The following MADD variants were observed in gnomAD, a reference collection of about 807,000 sequenced individuals.
The protein encoded by MADD is MAP kinase-activating death domain protein.
MADD carries 109 observed loss-of-function variants against 176.7 expected under a neutral mutation model. The ratio of observed to expected loss-of-function variants is 0.62; its 90% CI spans 0.53 to 0.72. The LOEUF is 0.72. MADD is among the 30% of genes least tolerant of loss of function. The pLI, the probability that MADD is intolerant of heterozygous loss-of-function variation, is 0.00. For synonymous variants in MADD, 771 were observed against 771.3 expected, an observed-to-expected ratio of 1.00 and a Z score of 0.01; for missense variants, 1,914 against 2,045.5, an observed-to-expected ratio of 0.94 and a Z score of 1.24.
At chr11:47,290,811 C>G (rs1362385086) in exon 19 of MADD, 2 of 1,610,414 alleles carry the variant, frequency 1.2e-6, no homozygotes, top group Non-Finnish European at 1.7e-6. Flanking sequence ...TTTATAGCAT[C>G]TATTGGTACG....
chr11:47,308,848 C>A, intron 23 of MADD, 132 bp from the exon 26 acceptor site: 3 of 1,036,246 alleles, frequency 2.9e-6, no homozygotes, highest in South Asian at 1.4e-5. Flanking sequence ...AAGCGACTTA[C>A]TGGGTCCAGA....
At chr11:47,286,433 G>T in exon 15 of MADD, 1 of 1,612,066 alleles carries the variant, frequency 6.2e-7, no homozygotes, top group Non-Finnish European at 8.5e-7. Context: ...CCCTTGATAG[G>T]CAGCCTCTAT....
In MADD at chr11:47,286,549, C is replaced by T; in HGVS notation, c.2653+15C>T. 1 of 1,596,346 alleles carries T rather than the reference C, an allele frequency of 6.3e-7. No individual in the cohort carries two copies. Among genetic ancestry groups the T allele is most frequent in the Non-Finnish European group, 8.6e-7 (1 of 1,164,154 alleles). On this transcript the variant is annotated intron_variant, in intron 15 of 32. Coordinates refer to ENST00000402192, the Ensembl canonical transcript of MADD. ...CAGTCTGAAAGGTAACTACAGCCTT[C>T]CTTTTGCCAAGCCAGGTTTCTCCGG... is the stretch of plus-strand genomic sequence containing the variant.
At chr11:47,288,845 A>T (rs1354519119) in intron 15 of MADD, 123 bp from the exon 16 acceptor site, 16 of 754,724 alleles carry the variant, frequency 2.1e-5, no homozygotes, top group Non-Finnish European at 3.1e-5. Context: ...CCCAAGAACC[A>T]AGGTTATGTG....
intron 26 of MADD, among the ~76,000 whole-genome samples, chr11:47,314,312 C>T (rs555030434): frequency 2.0e-5 from 3 of 151,574 alleles, no homozygotes; most frequent in African/African-American, 7.3e-5. Context: ...TGGGCTCAAA[C>T]GGTACTCCTG....
In MADD at chr11:47,323,733, C is replaced by T. The variant is rs150829463; in HGVS notation, c.4260C>T (p.Tyr1420=). ...GAACAGTGTATGAGCGCTGGTGGTA[C>T]GAGAAGCTCATCAACATGACCTACT... Residue 1420 remains tyrosine, a synonymous_variant, in exon 28 of 33, where the codon TAC becomes TAT. Transcript: ENST00000402192. The T allele has an allele frequency of 1.2e-4, 189 of 1,614,082 alleles. No individual in the cohort carries two copies. The African/African-American group carries it at 2.4e-3, about 20-fold the overall frequency.
At chr11:47,291,432 T>C (rs2065190575) in intron 19 of MADD, among the ~76,000 whole-genome samples, 1 of 152,202 alleles carries the variant, frequency 6.6e-6, no homozygotes, top group African/African-American at 2.4e-5. Context: ...AGGCATCACC[T>C]CTGTTTGGCT....
At chr11:47,296,139 G>A (rs940628787) in intron 22 of MADD, 84 bp downstream of exon 24, 11 of 1,465,452 alleles carry the variant, frequency 7.5e-6, no homozygotes, top group African/African-American at 4.2e-5. Context: ...GTTAAGAGAC[G>A]CTAAAGAGGT....
intron 3 of MADD, 26 bp downstream of exon 3, chr11:47,275,185 G>A: frequency 6.3e-7 from 1 of 1,580,494 alleles, no homozygotes; most frequent in Non-Finnish European, 8.6e-7. Context: ...GATGCCTAAT[G>A]GGGGAAGCAT....
intron 27 of MADD, among the ~76,000 whole-genome samples, chr11:47,317,517 G>A (rs1247596595): frequency 6.6e-6 from 1 of 152,072 alleles, no homozygotes; most frequent in African/African-American, 2.4e-5. Context: ...TTGTATTAGC[G>A]TGTTTCCTGT....
At position 47,326,538 on chromosome 11, in the gene MADD, G is replaced by T. The variant is rs942327833; in HGVS notation, c.4543-200G>T. On this transcript the variant is annotated intron_variant, in intron 30 of 32. Coordinates refer to ENST00000402192, the Ensembl canonical transcript of MADD. Reference sequence around the variant, plus strand: ...ATTTCTCTCCCATGCTTTCTCCTCCGGCCAGGAGCGGAAGGTACATGCCCT... The same window carrying T: ...ATTTCTCTCCCATGCTTTCTCCTCCTGCCAGGAGCGGAAGGTACATGCCCT... 208 of 1,370,714 alleles carry T rather than the reference G, an allele frequency of 1.5e-4. No individual in the cohort carries two copies. Among genetic ancestry groups the T allele is most frequent in the Non-Finnish European group, 1.9e-4 (203 of 1,062,722 alleles). 84.9% of individuals were successfully genotyped at this position (1,370,714 alleles called of 1,614,324 possible).
chr11:47,324,000 T>G, intron 28 of MADD, 165 bp downstream of exon 31: 1 of 732,096 alleles, frequency 1.4e-6, no homozygotes. Context: ...CAACTAGGCC[T>G]AATAGTAGTC....
At chr11:47,274,895 G>A (rs766784427) in exon 3 of MADD, 1 of 1,613,968 alleles carries the variant, frequency 6.2e-7, no homozygotes, top group Non-Finnish European at 8.5e-7. Context: ...GAAGAGGGTG[G>A]CACTGAGAGC....
At chr11:47,310,609 A>G (rs2087778319) in intron 25 of MADD, among the ~76,000 whole-genome samples, 1 of 152,086 alleles carries the variant, frequency 6.6e-6, no homozygotes, top group Non-Finnish European at 1.5e-5. Context: ...TTAAAACCTT[A>G]GAAAGGATGC....
chr11:47,298,293 C>T (rs1160288233), intron 22 of MADD, among the ~76,000 whole-genome samples: 1 of 152,240 alleles, frequency 6.6e-6, no homozygotes, highest in Non-Finnish European at 1.5e-5. Context: ...CCTTGAGCAT[C>T]TTCTGAACTT....
At chr11:47,317,176 C>T (rs1243185244) in intron 27 of MADD, among the ~76,000 whole-genome samples, 1 of 152,204 alleles carries the variant, frequency 6.6e-6, no homozygotes, top group African/African-American at 2.4e-5. Flanking sequence ...TTTATGGCTA[C>T]ATGTATTCCA....
At chr11:47,274,827 G>C in exon 3 of MADD, 1 of 1,614,238 alleles carries the variant, frequency 6.2e-7, no homozygotes, top group South Asian at 1.1e-5. Context: ...CTAAGGAGAA[G>C]GGGGAAGGTG....
intron 27 of MADD, among the ~76,000 whole-genome samples, chr11:47,320,385 G>A (rs539032570): frequency 1.3e-5 from 2 of 151,994 alleles, no homozygotes; most frequent in African/African-American, 4.8e-5. Flanking sequence ...AACCTGGGAG[G>A]CGGAGGTTGC....
chr11:47,285,678 A>T, intron 14 of MADD, 88 bp downstream of exon 14: 1 of 1,569,788 alleles, frequency 6.4e-7, no homozygotes, highest in Non-Finnish European at 8.7e-7. Context: ...TTAGAACTTC[A>T]CATGTAGGGC....
Sources: allele counts gnomAD v4.1 joint callset (sites outside exome capture counted in the v4.1 genomes callset), GRCh38; gene constraint gnomAD v4.1.1; transcripts MANE v1.5; gene names NCBI Gene and HGNC (gene_info 2026-07-23, HGNC 2026-07-21).